PCGF5: variants seen among roughly 807,000 people sequenced by gnomAD.
PCGF5 encodes the protein polycomb group RING finger protein 5.
A neutral mutation model predicts 44.3 loss-of-function variants in PCGF5; 9 were observed. That is an observed-to-expected ratio of 0.20 (90% CI 0.12 to 0.35). The LOEUF is 0.35. PCGF5 is among the 10% of genes least tolerant of loss of function. PCGF5 has a pLI of 1.00. For synonymous variants in PCGF5, 95 were observed against 102.5 expected (o/e 0.93, Z 0.44); for missense variants, 146 against 305.3 (o/e 0.48, Z 3.89).
At chr10:91,260,684 A>C (rs1845880245) in intron 6 of PCGF5, among the ~76,000 whole-genome samples, 1 of 152,026 alleles carries the variant, frequency 6.6e-6, no homozygotes, top group African/African-American at 2.4e-5. Context: ...GCTGGAAACC[A>C]TCATTCTCAG....
chr10:91,229,981 CT>C (rs552015637), intron 2 of PCGF5, among the ~76,000 whole-genome samples: 1 of 151,930 alleles, frequency 6.6e-6, no homozygotes, highest in Non-Finnish European at 1.5e-5. Flanking sequence ...ATTTTGATGA[CT>C]TTTTTTAAAT....
chr10:91,243,165 C>T (rs887543878), intron 3 of PCGF5, among the ~76,000 whole-genome samples: 3 of 152,100 alleles, frequency 2.0e-5, no homozygotes, highest in Non-Finnish European at 4.4e-5. Context: ...TTGAGCGGAC[C>T]TCAGAGGCCT....
intron 1 of PCGF5, among the ~76,000 whole-genome samples, chr10:91,175,002 T>G (rs1006631540): frequency 6.6e-6 from 1 of 152,200 alleles, no homozygotes; most frequent in Non-Finnish European, 1.5e-5. Flanking sequence ...CTAAGTGCCT[T>G]TAACTGAGGT....
chr10:91,260,090 A>T (rs1184197635), intron 6 of PCGF5, among the ~76,000 whole-genome samples: 3 of 132,904 alleles, frequency 2.3e-5, no homozygotes, highest in Admixed American at 2.1e-4. Context: ...AATATCCAGA[A>T]TCTGCAATGA....
chr10:91,177,905 ACTGCACCCACTGAC>A (rs148862312), intron 1 of PCGF5, among the ~76,000 whole-genome samples: 11,629 of 152,154 alleles, frequency 0.076, 1,015 homozygotes, highest in African/African-American at 0.21. Flanking sequence ...TGCACGGTGC[ACTGCACCCACTGAC>A]CTGCACCCAC....
At chr10:91,253,282 G>A (rs920849586) in intron 6 of PCGF5, among the ~76,000 whole-genome samples, 3 of 151,912 alleles carry the variant, frequency 2.0e-5, no homozygotes, top group African/African-American at 7.3e-5. Context: ...TGTCACCCAG[G>A]TAATAGGCAT....
chr10:91,251,053 T>C (rs773175486), intron 5 of PCGF5, among the ~76,000 whole-genome samples: 1 of 151,648 alleles, frequency 6.6e-6, no homozygotes, highest in African/African-American at 2.4e-5. Context: ...CATTTGGATG[T>C]CCCAATGAGC....
At position 91,251,407 on chromosome 10, in the gene PCGF5, A is replaced by G. The variant is rs747871281; in HGVS notation, c.441A>G (p.Arg147=). ...TTGCTATCTGTCTAGATTGTTTACG[A>G]AATAATGGGCAATCAGGGGACAATG... ...PQIAICLDCL[R]NNGQSGDNVV... is the part of the protein sequence containing the mutation. The change falls in exon 6 of 10, where the codon CGA becomes CGG. Residue 147 remains arginine, a synonymous_variant. Coordinates refer to ENST00000336126, the MANE Select transcript of PCGF5 (RefSeq NM_032373.5). 1.2e-6 allele frequency: 2 copies of G among 1,611,450 alleles called. No individual in the cohort carries two copies. The highest frequency in any genetic ancestry group is 2.2e-5 in the South Asian group (2 of 90,996).
intron 1 of PCGF5, among the ~76,000 whole-genome samples, chr10:91,182,855 G>T (rs1723310779): frequency 6.6e-6 from 1 of 152,098 alleles, no homozygotes; most frequent in Non-Finnish European, 1.5e-5. Flanking sequence ...CTTGATTTCT[G>T]ACTTAATTTC....
chr10:91,268,821 C>G (rs1589410028), intron 8 of PCGF5, among the ~76,000 whole-genome samples: 1 of 152,086 alleles, frequency 6.6e-6, no homozygotes, highest in Non-Finnish European at 1.5e-5. Flanking sequence ...GGTCCCTGCC[C>G]TCTCTAGACC....
At chr10:91,232,690 A>G (rs900337257) in intron 2 of PCGF5, among the ~76,000 whole-genome samples, 1 of 152,242 alleles carries the variant, frequency 6.6e-6, no homozygotes. Flanking sequence ...AACACAAAGT[A>G]TAGATGCTAG....
intron 8 of PCGF5, among the ~76,000 whole-genome samples, chr10:91,268,125 T>C (rs909462921): frequency 6.6e-6 from 1 of 152,134 alleles, no homozygotes; most frequent in Non-Finnish European, 1.5e-5. Context: ...TATGTGTGTG[T>C]GTGTTCCTAG....
chr10:91,226,289 T>TAAAAAAAAAAAAAAAAAA, intron 2 of PCGF5, among the ~76,000 whole-genome samples: 1 of 75,138 alleles, frequency 1.3e-5, no homozygotes, highest in Non-Finnish European at 2.4e-5. Context: ...TTAAGAAATG[T>TAAAAAAAAAAAAAAAAAA]AAAAAAAAAA....
intron 6 of PCGF5, among the ~76,000 whole-genome samples, chr10:91,255,786 C>A (rs1436390667): frequency 6.6e-6 from 1 of 151,958 alleles, no homozygotes; most frequent in Non-Finnish European, 1.5e-5. Flanking sequence ...AGTGGTCCCT[C>A]AGTATATGTT....
chr10:91,251,185 A>G (rs1292487315), intron 5 of PCGF5, 107 bp from the exon 6 acceptor site: 1 of 818,298 alleles, frequency 1.2e-6, no homozygotes, highest in South Asian at 2.1e-5. Context: ...AAAAACTGTT[A>G]GGAAATTTTT....
rs772066050 is a variant in PCGF5, at chr10:91,267,824, T to G, written c.663+3304T>G. On this transcript the variant is annotated intron_variant, in intron 8 of 9. Transcript: ENST00000336126. ...AGGATGTCTGAAGAGCTCTTATTAGTCTACCTATTGGCTAACTAGCTCTGC... is the reference window on the plus strand; with the variant it reads ...AGGATGTCTGAAGAGCTCTTATTAGGCTACCTATTGGCTAACTAGCTCTGC... Among the ~76,000 whole-genome samples the G allele has an allele frequency of 4.6e-5, 7 of 152,184 alleles. No homozygotes were observed. The South Asian group carries it at 6.2e-4, about 13-fold the overall frequency.
intron 1 of PCGF5, among the ~76,000 whole-genome samples, chr10:91,185,939 T>C (rs939285773): frequency 6.7e-6 from 1 of 149,612 alleles, no homozygotes; most frequent in Admixed American, 6.6e-5. Flanking sequence ...GATGTTTCAA[T>C]TGAAAGTGCT....
chr10:91,185,488 G>A lies in PCGF5; in HGVS notation c.-184+22407G>A, dbSNP rs139844669. Among the ~76,000 whole-genome samples the A allele has an allele frequency of 5.4e-3, 819 of 152,304 alleles. 7 individuals carry two copies. The highest frequency in any genetic ancestry group is 0.018 in the African/African-American group (750 of 41,558). On this transcript the variant is annotated intron_variant, in intron 1 of 9. Coordinates refer to the PCGF5 transcript ENST00000614189. ...CCAGTGTGTCATCCTGTGAGGTGCCGTGGAAGTGAGGCCCGCTGACCATCA... is the reference window on the plus strand; with the variant it reads ...CCAGTGTGTCATCCTGTGAGGTGCCATGGAAGTGAGGCCCGCTGACCATCA...
intron 1 of PCGF5, among the ~76,000 whole-genome samples, chr10:91,193,131 C>T (rs1331681567): frequency 6.6e-6 from 1 of 152,120 alleles, no homozygotes; most frequent in Non-Finnish European, 1.5e-5. Flanking sequence ...AGAAGGAAGG[C>T]ATGTAGCCTT....
Sources: allele counts gnomAD v4.1 joint callset (sites outside exome capture counted in the v4.1 genomes callset), GRCh38; gene constraint gnomAD v4.1.1; transcripts MANE v1.5; gene names NCBI Gene and HGNC (gene_info 2026-07-23, HGNC 2026-07-21).